The following EXOC4 variants were observed in gnomAD, a reference collection of about 807,000 sequenced individuals.
EXOC4 encodes the protein exocyst complex component 4, also known as SEC8-like 1.
A neutral mutation model predicts 107.2 loss-of-function variants in EXOC4; 71 were observed. That is an observed-to-expected ratio of 0.66 (90% CI 0.55 to 0.81). EXOC4 has a LOEUF of 0.81. EXOC4 is among the 30% of genes least tolerant of loss of function. The pLI, the probability that EXOC4 is intolerant of heterozygous loss-of-function variation, is 0.00. For synonymous variants in EXOC4, 456 were observed against 441.2 expected, an observed-to-expected ratio of 1.03 and a Z score of -0.42; for missense variants, 1,108 against 1,189.6, an observed-to-expected ratio of 0.93 and a Z score of 1.01.
intron 5 of EXOC4, among the ~76,000 whole-genome samples, chr7:133,334,319 A>G (rs2150610890): frequency 6.6e-6 from 1 of 152,180 alleles, no homozygotes. Context: ...CCTTCCTGTA[A>G]TTCTTTTTGC....
At chr7:133,576,548 A>G (rs1801133049) in intron 9 of EXOC4, 1 of 1,289,584 alleles carries the variant, frequency 7.8e-7, no homozygotes, top group African/African-American at 1.5e-5. Context: ...CAAAACCAAA[A>G]TGAGCAAAGG....
In EXOC4 at chr7:134,064,303, G is replaced by A. The variant is rs1030482514; in HGVS notation, c.2700G>A (p.Glu900=). The A allele has an allele frequency of 6.8e-6, 10 of 1,463,392 alleles. No homozygotes were observed. Among genetic ancestry groups the A allele is most frequent in the Admixed American group, 2.4e-5 (1 of 42,078 alleles). The allele number at this position is 1,463,392 out of a possible 1,614,324, so 90.7% of individuals were successfully genotyped here. A position where few individuals can be genotyped will look rare whatever the true frequency, so the allele number is the denominator to read the frequency against. The change falls in exon 18 of 18, where the codon GAG becomes GAA. Residue 900 remains glutamate (E), a synonymous_variant. Transcript: ENST00000253861. ...CTTGCTTTCTCAGGCAGTACTACGA[G>A]ATGCTTTACAACACAGCTGACGAGC... ...ADLDFARQYY[E]MLYNTADELL...
chr7:133,325,294 G>T (rs899203077), intron 5 of EXOC4, among the ~76,000 whole-genome samples: 15 of 152,130 alleles, frequency 9.9e-5, no homozygotes, highest in African/African-American at 3.1e-4. Flanking sequence ...TGATGCAGTT[G>T]CTTCCTAGCA....
chr7:133,270,251 T>A (rs1388067072), intron 1 of EXOC4, among the ~76,000 whole-genome samples: 1 of 152,226 alleles, frequency 6.6e-6, no homozygotes, highest in Non-Finnish European at 1.5e-5. Flanking sequence ...CTCTTTCTTT[T>A]GTAAATTGCC....
intron 12 of EXOC4, among the ~76,000 whole-genome samples, chr7:133,907,681 A>T (rs1382755948): frequency 2.0e-5 from 3 of 152,148 alleles, no homozygotes; most frequent in African/African-American, 7.2e-5. Context: ...TCTACTAAAT[A>T]TACAAATATT....
intron 9 of EXOC4, chr7:133,576,989 T>A: frequency 1.7e-6 from 1 of 599,470 alleles, no homozygotes; most frequent in Non-Finnish European, 2.5e-6. Context: ...TGCCCGGGGT[T>A]GGATGTCTGT....
chr7:133,295,722 T>C (rs1386400695), intron 3 of EXOC4, among the ~76,000 whole-genome samples: 2 of 152,140 alleles, frequency 1.3e-5, no homozygotes, highest in Non-Finnish European at 2.9e-5. Flanking sequence ...TTCTCTTCTT[T>C]ATGCGCAAGG....
intron 10 of EXOC4, among the ~76,000 whole-genome samples, chr7:133,771,128 T>C (rs961821494): frequency 9.2e-5 from 14 of 151,894 alleles, no homozygotes; most frequent in African/African-American, 2.4e-4. Flanking sequence ...GCCAAAGATA[T>C]AGACTTATAG....
At position 133,938,085 on chromosome 7, in the gene EXOC4, G is replaced by T. The variant is rs755664448; in HGVS notation, c.2206+16G>T. The T allele has an allele frequency of 6.2e-7, 1 of 1,613,692 alleles. No individual in the cohort carries two copies. The highest frequency in any genetic ancestry group is 8.5e-7 in the Non-Finnish European group (1 of 1,179,762). ...ACATCCCAGAGTAAGTATCTAGTAG[G>T]AAGCTGTTGTGGGGACAGTTGAGGA... is the stretch of plus-strand genomic sequence containing the variant. On this transcript the variant is annotated intron_variant, in intron 14 of 17. Coordinates refer to ENST00000253861, the MANE Select transcript of EXOC4 (RefSeq NM_021807.4).
chr7:133,852,557 T>G (rs1002255492), intron 11 of EXOC4, among the ~76,000 whole-genome samples: 5 of 152,234 alleles, frequency 3.3e-5, no homozygotes, highest in Admixed American at 6.5e-5. Context: ...TCTCTTAGTC[T>G]GCTAATCCTG....
At chr7:133,545,007 C>G (rs536918218) in intron 9 of EXOC4, among the ~76,000 whole-genome samples, 3 of 151,216 alleles carry the variant, frequency 2.0e-5, no homozygotes, top group African/African-American at 4.9e-5. Flanking sequence ...TGTGTGTGTA[C>G]GTATGTATGT....
intron 7 of EXOC4, among the ~76,000 whole-genome samples, chr7:133,430,144 A>G (rs973379558): frequency 6.6e-6 from 1 of 152,140 alleles, no homozygotes; most frequent in East Asian, 1.9e-4. Context: ...TGTCAGCGGG[A>G]TGGGGAGCTG....
intron 17 of EXOC4, among the ~76,000 whole-genome samples, chr7:134,059,427 C>G (rs1796003584): frequency 6.6e-6 from 1 of 152,080 alleles, no homozygotes; most frequent in Non-Finnish European, 1.5e-5. Flanking sequence ...AAGATATCAA[C>G]AATTCATTTA....
chr7:133,621,088 T>C (rs570994981), intron 9 of EXOC4, among the ~76,000 whole-genome samples: 10 of 152,204 alleles, frequency 6.6e-5, no homozygotes, highest in Non-Finnish European at 1.5e-4. Context: ...TGCTAATGGA[T>C]CCTCCTTTGA....
Position 134,046,203 on chromosome 7 carries a change from C to T in EXOC4, c.2688-18088C>T, listed in dbSNP as rs761538449. ...CAGAATGTTAAAACCACCTCAGGGCCGGGCACAATGGCTCATGCCTATAAT... is the reference window on the plus strand; with the variant it reads ...CAGAATGTTAAAACCACCTCAGGGCTGGGCACAATGGCTCATGCCTATAAT... On this transcript the variant is annotated intron_variant, in intron 17 of 17. Transcript: ENST00000253861. Among the ~76,000 whole-genome samples, 3 of 152,272 alleles carry T rather than the reference C, an allele frequency of 2.0e-5. No individual in the cohort carries two copies. In the East Asian group the frequency reaches 5.8e-4, roughly 29 times the overall value.
intron 7 of EXOC4, chr7:133,447,409 C>G (rs1219675758): frequency 6.6e-6 from 1 of 151,956 alleles, no homozygotes; most frequent in Admixed American, 6.6e-5. Context: ...ATTATTCTTA[C>G]TGTAAGAATA....
At chr7:133,900,442 A>G (rs1031845564) in intron 12 of EXOC4, among the ~76,000 whole-genome samples, 3 of 152,216 alleles carry the variant, frequency 2.0e-5, no homozygotes, top group African/African-American at 7.2e-5. Flanking sequence ...CAAGTGATAA[A>G]TGTCTAGGAT....
intron 6 of EXOC4, among the ~76,000 whole-genome samples, chr7:133,373,848 CA>C (rs1272824590): frequency 4.6e-5 from 7 of 152,162 alleles, no homozygotes; most frequent in Admixed American, 1.3e-4. Context: ...ATGTATAAAG[CA>C]GTGCCTACTC....
At chr7:133,827,921 A>G (rs987353808) in intron 11 of EXOC4, among the ~76,000 whole-genome samples, 5 of 152,174 alleles carry the variant, frequency 3.3e-5, no homozygotes, top group East Asian at 3.9e-4. Flanking sequence ...ACATCAATAT[A>G]GGGATAACCC....
Sources: gnomAD v4.1 joint callset for allele counts (sites outside exome capture counted in the v4.1 genomes callset) on GRCh38, gnomAD v4.1.1 for gene constraint, MANE v1.5 for transcripts, NCBI Gene and HGNC (gene_info 2026-07-23, HGNC 2026-07-21) for gene names.